Variants in NOL12 observed in about 807,000 individuals in gnomAD.
The protein encoded by NOL12 is nucleolar protein 12.
NOL12 carries 21 observed loss-of-function variants against 25.2 expected under a neutral mutation model. The observed-to-expected ratio is 0.83, with a 90% CI of 0.59 to 1.20. NOL12 has a LOEUF of 1.20. Ranked by LOEUF, NOL12 falls within the 50% of genes most tolerant of loss-of-function variation. The pLI, the probability that NOL12 is intolerant of heterozygous loss-of-function variation, is 0.00. For synonymous variants in NOL12, 133 were observed against 113.8 expected (o/e 1.17, Z -1.08); for missense variants, 286 against 287.6 (o/e 0.99, Z 0.04).
Position 37,691,610 on chromosome 22 carries a change from C to A in NOL12, c.*274C>A. On this transcript the variant is annotated 3_prime_UTR_variant, in exon 6 of 6. Coordinates refer to ENST00000359114, the MANE Select transcript of NOL12 (RefSeq NM_024313.3). ...GGGGCATCTTCCCAAATGTGCACCC[C>A]ACCTGGCACTCATCAGATTTGTGCG... 1 of 270,584 alleles carries A rather than the reference C, an allele frequency of 3.7e-6. No individual in the cohort carries two copies. Among genetic ancestry groups the A allele is most frequent in the Non-Finnish European group, 6.3e-6 (1 of 159,658 alleles). The allele number at this position is 270,584 out of a possible 1,614,324, so 16.8% of individuals were successfully genotyped here.
chr22:37,688,136 A>G (rs528161702), intron 2 of NOL12, 121 bp downstream of exon 2: 13 of 1,076,208 alleles, frequency 1.2e-5, no homozygotes, highest in African/African-American at 1.1e-4. Context: ...ACTGGGGAAT[A>G]GTTTATACAG....
rs1363390612 is a variant in NOL12 at position 37,688,958 on chromosome 22, CG to C, written c.352del (p.Ala118ProfsTer6). On this transcript the variant is annotated frameshift_variant, in exon 4 of 6. Transcript: ENST00000359114. LOFTEE classifies it high-confidence loss of function. ...ACCACCATCAGTGACCTGGACCTCT[CG>C]GGGGCCCGGCTGCTCGGGCTGACCC... ...TVTTISDLDL[S>X]GARLLGLTPP... 3 of 1,613,424 alleles carry C rather than the reference CG, an allele frequency of 1.9e-6. No homozygotes were observed. Among genetic ancestry groups the C allele is most frequent in the African/African-American group, 1.3e-5 (1 of 74,938 alleles).
chr22:37,689,562 C>T (rs1195194589), intron 4 of NOL12, among the ~76,000 whole-genome samples: 2 of 152,188 alleles, frequency 1.3e-5, no homozygotes, highest in Admixed American at 1.3e-4. Context: ...TGAAAATATC[C>T]GAAAGTGTCA....
At position 37,686,691 on chromosome 22, in the gene NOL12, C is replaced by T. The variant is rs1363076293; in HGVS notation, c.83+216C>T. ...CTCCCCACCTCGCCTAGTGTCTGTGCGCCGCCAGATAGCCGGAAGCTCGGG... is the reference window on the plus strand; with the variant it reads ...CTCCCCACCTCGCCTAGTGTCTGTGTGCCGCCAGATAGCCGGAAGCTCGGG... On this transcript the variant is annotated intron_variant, in intron 1 of 5. Transcript: ENST00000359114. 5.1e-6 allele frequency: 5 copies of T among 985,346 alleles called. No individual in the cohort carries two copies. The East Asian group carries it at 5.7e-4, about 112-fold the overall frequency. 61.0% of individuals were successfully genotyped at this position (985,346 alleles called of 1,614,324 possible).
rs968135733 is a variant in NOL12, at chr22:37,692,934, T to C, written c.*1598T>C. On this transcript the variant is annotated 3_prime_UTR_variant, in exon 6 of 6. Coordinates refer to ENST00000359114, the MANE Select transcript of NOL12 (RefSeq NM_024313.3). ...GAGGGCTGCACCCGGGTATGGTGAG[T>C]TCCCCTCAGGGATTGTGCTGAGCGC... is the stretch of plus-strand genomic sequence containing the variant. The C allele has an allele frequency of 7.8e-6, 3 of 382,532 alleles. No individual in the cohort carries two copies. Among genetic ancestry groups the C allele is most frequent in the Non-Finnish European group, 1.4e-5 (3 of 216,186 alleles). The allele number at this position is 382,532 out of a possible 1,614,324, so 23.7% of individuals were successfully genotyped here.
chr22:37,689,131 G>A lies in NOL12; in HGVS notation c.381+139G>A, dbSNP rs75700230. On this transcript the variant is annotated intron_variant, in intron 4 of 5. Coordinates refer to ENST00000359114, the MANE Select transcript of NOL12 (RefSeq NM_024313.3). ...GGGCGTGGGGGCAGACTGGCTTGTCGGGGTTGCTCAGTGCTGGCCCATGTT... is the reference window on the plus strand; with the variant it reads ...GGGCGTGGGGGCAGACTGGCTTGTCAGGGTTGCTCAGTGCTGGCCCATGTT... 17 of 1,075,540 alleles carry A rather than the reference G, an allele frequency of 1.6e-5. No individual in the cohort carries two copies. The East Asian group carries it at 2.0e-4, about 13-fold the overall frequency. The allele number at this position is 1,075,540 out of a possible 1,614,324, so 66.6% of individuals were successfully genotyped here. A position where few individuals can be genotyped will look rare whatever the true frequency, so the allele number is the denominator to read the frequency against.
Position 37,686,480 on chromosome 22 carries a change from G to C in NOL12, c.83+5G>C. 6.3e-7 allele frequency: 1 copy of C among 1,595,292 alleles called. No individual in the cohort carries two copies. Among genetic ancestry groups the C allele is most frequent in the South Asian group, 1.1e-5 (1 of 88,006 alleles). ...CTTCGACGAGGAGAAGAGGCGGTGA[G>C]TGGCAAAGCCGGACCGGACTCCCCT... On this transcript the variant is annotated splice_donor_5th_base_variant and intron_variant, in intron 1 of 5. Transcript: ENST00000359114.
chr22:37,692,237 A>G lies in NOL12; in HGVS notation c.*901A>G. ...CCAGGTGTGGTGGCACACGCGTGTA[A>G]TCCCAGCTACTTGGGAGGCTGAGGT... On this transcript the variant is annotated 3_prime_UTR_variant, in exon 6 of 6. Coordinates refer to ENST00000359114, the MANE Select transcript of NOL12 (RefSeq NM_024313.3). 1 of 330,696 alleles carries G rather than the reference A, an allele frequency of 3.0e-6. No homozygotes were observed. The highest frequency in any genetic ancestry group is 4.6e-5 in the East Asian group (1 of 21,908). 20.5% of individuals were successfully genotyped at this position (330,696 alleles called of 1,614,324 possible). A position where few individuals can be genotyped will look rare whatever the true frequency, so the allele number is the denominator to read the frequency against.
chr22:37,686,926 GATAA>G, intron 1 of NOL12: 3 of 985,480 alleles, frequency 3.0e-6, no homozygotes, highest in Non-Finnish European at 3.6e-6. Context: ...CGTCTGGCCA[GATAA>G]ATAAATGGCA....
Position 37,691,724 on chromosome 22 carries a change from A to T in NOL12, c.*388A>T, listed in dbSNP as rs1010126638. ...CAGGGCCCATGGGTCTGTCTCCAGC[A>T]GTTAGCCCTGTGGCTGCAATAAAGT... is the stretch of plus-strand genomic sequence containing the variant. On this transcript the variant is annotated 3_prime_UTR_variant, in exon 6 of 6. Coordinates refer to ENST00000359114, the MANE Select transcript of NOL12 (RefSeq NM_024313.3). 1.1e-5 allele frequency: 2 copies of T among 188,062 alleles called. No individual in the cohort carries two copies. Among genetic ancestry groups the T allele is most frequent in the Non-Finnish European group, 2.2e-5 (2 of 92,330 alleles). 11.6% of individuals were successfully genotyped at this position (188,062 alleles called of 1,614,324 possible).
intron 3 of NOL12, 55 bp from the exon 4 acceptor site, chr22:37,688,795 G>A: frequency 1.2e-6 from 2 of 1,603,148 alleles, no homozygotes; most frequent in Non-Finnish European, 1.7e-6. Flanking sequence ...GAGGGAGGCT[G>A]GAGCCTGGTC....
Position 37,687,988 on chromosome 22 carries a change from A to T in NOL12, c.162A>T (p.Lys54Asn). Reference sequence around the variant, plus strand: ...TTGAGGAGATTAAGCAGCGGCTGAAAGAGGAGCAGAGGAAGCTTCGGGAGG... The same window carrying T: ...TTGAGGAGATTAAGCAGCGGCTGAATGAGGAGCAGAGGAAGCTTCGGGAGG... Reference protein sequence around the residue: ...AAIEEIKQRLKEEQRKLREER... With the variant: ...AAIEEIKQRLNEEQRKLREER... The change falls in exon 2 of 6, where the codon AAA becomes AAT. Residue 54 changes from lysine to asparagine, a missense_variant. Transcript: ENST00000359114. 1 of 1,577,640 alleles carries T rather than the reference A, an allele frequency of 6.3e-7. No individual in the cohort carries two copies. The highest frequency in any genetic ancestry group is 1.8e-5 in the Admixed American group (1 of 54,964).
rs570643218 is a variant in NOL12, at chr22:37,691,399, G to C, written c.*63G>C. 8.7e-6 allele frequency: 13 copies of C among 1,501,938 alleles called. No homozygotes were observed. Among genetic ancestry groups the C allele is most frequent in the Non-Finnish European group, 1.1e-5 (12 of 1,119,280 alleles). The allele number at this position is 1,501,938 out of a possible 1,614,324, so 93.0% of individuals were successfully genotyped here. On this transcript the variant is annotated 3_prime_UTR_variant, in exon 6 of 6. Coordinates refer to ENST00000359114, the MANE Select transcript of NOL12 (RefSeq NM_024313.3). ...GGACCTGTCCTTGCTCAGCTTGGCT[G>C]TCCCTGTAGCCCAGCCTGCACCTAG...
At position 37,691,163 on chromosome 22, in the gene NOL12, C is replaced by T; in HGVS notation, c.480-11C>T. 1 of 1,593,062 alleles carries T rather than the reference C, an allele frequency of 6.3e-7. No homozygotes were observed. Among genetic ancestry groups the T allele is most frequent in the Non-Finnish European group, 8.6e-7 (1 of 1,167,334 alleles). On this transcript the variant is annotated splice_polypyrimidine_tract_variant and intron_variant, in intron 5 of 5. Transcript: ENST00000359114. ...TGCAATCTTAAACTGAGGCTTTCTG[C>T]CCTCCCCTAGGATCTCCTCCCTCAC...
chr22:37,691,073 G>T (rs535190735), intron 5 of NOL12, 101 bp from the exon 6 acceptor site: 2 of 1,371,390 alleles, frequency 1.5e-6, no homozygotes, highest in African/African-American at 2.9e-5. Context: ...TGAACTTGGC[G>T]GTCCTGGCAT....
intron 4 of NOL12, 73 bp downstream of exon 4, chr22:37,689,065 G>GC: frequency 6.5e-7 from 1 of 1,538,100 alleles, no homozygotes; most frequent in Non-Finnish European, 8.9e-7. Context: ...CTCAGTGCTG[G>GC]CCCATGTCAT....
At position 37,690,753 on chromosome 22, in the gene NOL12, AGCCTTGCCCAGGAAGTCCAGAGACC is replaced by A; in HGVS notation, c.439_463del (p.Ala147ProfsTer89). On this transcript the variant is annotated frameshift_variant, in exon 5 of 6. Coordinates refer to ENST00000359114, the MANE Select transcript of NOL12 (RefSeq NM_024313.3). LOFTEE classifies it high-confidence loss of function. Reference sequence around the variant, plus strand: ...CGTCATCCACGGAGAAACCAACCAAAGCCTTGCCCAGGAAGTCCAGAGACCCCCTGCTCTCTCAGCGGTGAGTCTT... The same window carrying A: ...CGTCATCCACGGAGAAACCAACCAAACCCTGCTCTCTCAGCGGTGAGTCTT... 1 of 1,613,850 alleles carries A rather than the reference AGCCTTGCCCAGGAAGTCCAGAGACC, an allele frequency of 6.2e-7. No homozygotes were observed. Among genetic ancestry groups the A allele is most frequent in the Non-Finnish European group, 8.5e-7 (1 of 1,179,860 alleles).
chr22:37,690,721 G>C lies in NOL12; in HGVS notation c.406G>C (p.Glu136Gln), dbSNP rs755036944. Reference sequence around the variant, plus strand: ...GGGAGGGGCTGGAGACAGGTCTGAGGAGGAGGCGTCATCCACGGAGAAACC... The same window carrying C: ...GGGAGGGGCTGGAGACAGGTCTGAGCAGGAGGCGTCATCCACGGAGAAACC... ...PEGGAGDRSEEEASSTEKPTK... is the reference protein window; with the variant it reads ...PEGGAGDRSEQEASSTEKPTK... The change falls in exon 5 of 6, where the codon GAG becomes CAG. Residue 136 changes from glutamate (E) to glutamine (Q), a missense_variant. Physicochemically the swap from Glu to Gln is conservative, Grantham distance 29. Coordinates refer to ENST00000359114, the MANE Select transcript of NOL12 (RefSeq NM_024313.3). 6.2e-7 allele frequency: 1 copy of C among 1,613,846 alleles called. No homozygotes were observed. The highest frequency in any genetic ancestry group is 1.1e-5 in the South Asian group (1 of 91,074).
chr22:37,689,817 T>TACCC (rs1212359054), intron 4 of NOL12, among the ~76,000 whole-genome samples: 3 of 152,048 alleles, frequency 2.0e-5, no homozygotes, highest in African/African-American at 7.2e-5. Flanking sequence ...TCACCTGGGG[T>TACCC]CAGGAGTTTG....
Sources: gnomAD v4.1 joint callset for allele counts (sites outside exome capture counted in the v4.1 genomes callset) on GRCh38, gnomAD v4.1.1 for gene constraint, MANE v1.5 for transcripts, NCBI Gene and HGNC (gene_info 2026-07-23, HGNC 2026-07-21) for gene names.